Variants in LRIF1 observed in about 807,000 individuals in gnomAD.
LRIF1 encodes the protein ligand dependent nuclear receptor interacting factor 1, also known as ligand-dependent nuclear receptor-interacting factor 1.
Under a neutral mutation model 52.7 loss-of-function variants are expected in LRIF1, and 32 were observed. The observed-to-expected ratio is 0.61, with a 90% CI of 0.46 to 0.82. LRIF1 has a LOEUF of 0.82. Ranked by LOEUF, LRIF1 falls within the 40% of genes least tolerant of loss-of-function variation. The pLI is 0.00. For missense variants in LRIF1, 887 were observed against 892.0 expected, an observed-to-expected ratio of 0.99 and a Z score of 0.07; for synonymous variants, 323 against 317.4, an observed-to-expected ratio of 1.02 and a Z score of -0.19.
chr1:110,910,913 A>G, the LRIF1 span, among the ~76,000 whole-genome samples: 151 of 152,312 alleles, frequency 9.9e-4, no homozygotes, highest in African/African-American at 3.4e-3. Context: ...AAAGGTCTCA[A>G]ATTAACAGCC....
the LRIF1 span, among the ~76,000 whole-genome samples, chr1:110,924,112 C>G: frequency 6.6e-6 from 1 of 151,854 alleles, no homozygotes; most frequent in Non-Finnish European, 1.5e-5. Flanking sequence ...TATGACAATA[C>G]ATTAAAAGTT....
chr1:110,938,907 T>C, the LRIF1 span: 1 of 152,304 alleles, frequency 6.6e-6, no homozygotes, highest in South Asian at 2.1e-4. Context: ...GTAGCATTTC[T>C]ATAGGCAAAC....
chr1:110,908,853 A>G, the LRIF1 span, among the ~76,000 whole-genome samples: 1 of 152,212 alleles, frequency 6.6e-6, no homozygotes, highest in Admixed American at 6.5e-5. Context: ...ACATCTCTAG[A>G]GACGTCAACG....
chr1:110,875,322 G>A, the LRIF1 span, among the ~76,000 whole-genome samples: 1 of 152,134 alleles, frequency 6.6e-6, no homozygotes, highest in Non-Finnish European at 1.5e-5. Context: ...TCGCTCACCA[G>A]GCAGGTCCTA....
the LRIF1 span, among the ~76,000 whole-genome samples, chr1:110,883,960 C>T: frequency 6.6e-6 from 1 of 151,872 alleles, no homozygotes; most frequent in Non-Finnish European, 1.5e-5. Flanking sequence ...TTTTATCAGT[C>T]TTCTAAAAGA....
At chr1:110,953,666 T>C (rs906012142) in intron 1 of LRIF1, among the ~76,000 whole-genome samples, 1 of 152,196 alleles carries the variant, frequency 6.6e-6, no homozygotes, top group Non-Finnish European at 1.5e-5. Context: ...TAATTAGTTA[T>C]TTGGAGATTA....
the LRIF1 span, among the ~76,000 whole-genome samples, chr1:110,909,573 CTTTTTTTTTTTTT>C: frequency 1.3e-5 from 1 of 77,978 alleles, no homozygotes; most frequent in African/African-American, 4.7e-5. Context: ...GCAGGGGTAG[CTTTTTTTTTTTTT>C]TTTTTTTTTT....
chr1:110,905,842 C>T, the LRIF1 span, among the ~76,000 whole-genome samples: 2 of 152,046 alleles, frequency 1.3e-5, no homozygotes, highest in East Asian at 1.9e-4. Context: ...AAGACATAGA[C>T]AGTACAATAA....
chr1:110,963,796 C>A lies in LRIF1; in HGVS notation c.-108G>T. 3.5e-6 allele frequency: 3 copies of A among 861,898 alleles called. No homozygotes were observed. Among genetic ancestry groups the A allele is most frequent in the Non-Finnish European group, 5.6e-6 (3 of 539,630 alleles). 53.4% of individuals were successfully genotyped at this position (861,898 alleles called of 1,614,324 possible). ...GAGGGAATGTTGGGCTGGAGTTGCC[C>A]ACAGCAACTGTGAGGGGTTCGACCT... On this transcript the variant is annotated 5_prime_UTR_variant, in exon 1 of 4. Coordinates refer to ENST00000369763, the MANE Select transcript of LRIF1 (RefSeq NM_018372.4).
intron 1 of LRIF1, among the ~76,000 whole-genome samples, chr1:110,957,470 C>CAAAAAAAAAAAAAAAAAAAA (rs34396800): frequency 1.6e-4 from 7 of 42,790 alleles, no homozygotes; most frequent in African/African-American, 6.8e-4. Context: ...GACTCAGTCT[C>CAAAAAAAAAAAAAAAAAAAA]AAAAAAAAAA....
At position 110,951,418 on chromosome 1, in the gene LRIF1, G is replaced by C. The variant is rs750228587; in HGVS notation, c.1466C>G (p.Pro489Arg). 1.3e-5 allele frequency: 21 copies of C among 1,614,006 alleles called. No individual in the cohort carries two copies. In the South Asian group the frequency reaches 2.2e-4, roughly 17 times the overall value. ...ATAAATGACGGCTGTTACTTTTCTGGGGGCATTGTGTCCTGTACTAAATCC... is the reference window on the plus strand; with the variant it reads ...ATAAATGACGGCTGTTACTTTTCTGCGGGCATTGTGTCCTGTACTAAATCC... ...PVGFSTGHNAPRKVTAVIYAR... is the reference protein window; with the variant it reads ...PVGFSTGHNARRKVTAVIYAR... Residue 489 changes from proline to arginine, a missense_variant, in exon 2 of 4, where the codon CCC becomes CGC. Pro to Arg is a moderately radical substitution (Grantham distance 103). Coordinates refer to ENST00000369763, the MANE Select transcript of LRIF1 (RefSeq NM_018372.4).
At chr1:110,915,248 G>A in the LRIF1 span, among the ~76,000 whole-genome samples, 6 of 152,170 alleles carry the variant, frequency 3.9e-5, no homozygotes, top group African/African-American at 1.4e-4. Context: ...CACTTTGGGA[G>A]GCCGAGGCGG....
At chr1:110,897,809 G>A in the LRIF1 span, 1 of 1,590,194 alleles carries the variant, frequency 6.3e-7, no homozygotes, top group African/African-American at 1.3e-5. Flanking sequence ...TGTCTTCTAG[G>A]GTTGCTATGC....
the LRIF1 span, among the ~76,000 whole-genome samples, chr1:110,907,783 C>G: frequency 6.6e-6 from 1 of 152,038 alleles, no homozygotes; most frequent in Admixed American, 6.6e-5. Flanking sequence ...CAGTTAAGTG[C>G]CAGTTAGTAA....
the LRIF1 span, chr1:110,894,392 T>C: frequency 2.9e-5 from 46 of 1,612,694 alleles, no homozygotes; most frequent in Admixed American, 2.5e-4. Context: ...TCTTTGTATA[T>C]GAACAGAAGG....
At chr1:110,957,766 G>A (rs1237166455) in intron 1 of LRIF1, among the ~76,000 whole-genome samples, 2 of 147,730 alleles carry the variant, frequency 1.4e-5, no homozygotes, top group Non-Finnish European at 3.0e-5. Context: ...AGTCATTGCT[G>A]ATTTGTCTTT....
At chr1:110,908,897 G>A in the LRIF1 span, among the ~76,000 whole-genome samples, 1 of 152,136 alleles carries the variant, frequency 6.6e-6, no homozygotes, top group African/African-American at 2.4e-5. Context: ...ACCCCTGTAA[G>A]ATATTATGCA....
At chr1:110,957,025 GT>G (rs1018183331) in intron 1 of LRIF1, among the ~76,000 whole-genome samples, 1 of 151,878 alleles carries the variant, frequency 6.6e-6, no homozygotes, top group Non-Finnish European at 1.5e-5. Flanking sequence ...ACCTATCATA[GT>G]TTCCACTGTG....
chr1:110,923,518 T>A, the LRIF1 span, among the ~76,000 whole-genome samples: 2 of 152,050 alleles, frequency 1.3e-5, no homozygotes, highest in Non-Finnish European at 2.9e-5. Flanking sequence ...CACATGAAAA[T>A]TTTTTATCAT....
Sources: allele counts gnomAD v4.1 joint callset (sites outside exome capture counted in the v4.1 genomes callset), GRCh38; gene constraint gnomAD v4.1.1; transcripts MANE v1.5; gene names NCBI Gene and HGNC (gene_info 2026-07-23, HGNC 2026-07-21).